SPPL3: variants seen among roughly 807,000 people sequenced by gnomAD.
SPPL3 encodes the protein signal peptide peptidase-like 3.
A neutral mutation model predicts 42.4 loss-of-function variants in SPPL3; 5 were observed. The observed-to-expected ratio is 0.12, with a 90% CI of 0.06 to 0.25. The LOEUF is 0.25. Among genes scored for constraint, SPPL3 ranks in the 10% least tolerant of loss-of-function variants. The probability of loss-of-function intolerance (pLI) is 1.00; values close to 1 mark genes in which losing one functional copy is unlikely to be tolerated. For synonymous variants in SPPL3, 195 were observed against 181.8 expected (o/e 1.07, Z -0.58); for missense variants, 235 against 489.0 (o/e 0.48, Z 4.90).
At chr12:120,787,449 C>CA (rs1172478630) in intron 3 of SPPL3, among the ~76,000 whole-genome samples, 1 of 152,034 alleles carries the variant, frequency 6.6e-6, no homozygotes, top group African/African-American at 2.4e-5. Context: ...TGGGGGCAGG[C>CA]AGAGAAGTTA....
chr12:120,875,294 A>C (rs1873051065), intron 1 of SPPL3, among the ~76,000 whole-genome samples: 1 of 152,254 alleles, frequency 6.6e-6, no homozygotes, highest in South Asian at 2.1e-4. Flanking sequence ...AAAATTTTTA[A>C]AATTATGCTT....
chr12:120,855,516 C>T (rs919932455), intron 1 of SPPL3, among the ~76,000 whole-genome samples: 4 of 151,888 alleles, frequency 2.6e-5, no homozygotes, highest in Admixed American at 6.6e-5. Context: ...GGTGAAACCC[C>T]GTATCTACTA....
intron 1 of SPPL3, among the ~76,000 whole-genome samples, chr12:120,903,139 A>G (rs1042346775): frequency 4.6e-5 from 7 of 152,084 alleles, no homozygotes; most frequent in African/African-American, 1.4e-4. Context: ...TAATAGTACC[A>G]ACCCTTACAA....
intron 2 of SPPL3, among the ~76,000 whole-genome samples, chr12:120,808,385 ATTTG>A (rs1870574125): frequency 6.6e-6 from 1 of 152,080 alleles, no homozygotes; most frequent in African/African-American, 2.4e-5. Flanking sequence ...CAGTTTCCTC[ATTTG>A]TAAACAGGGA....
At chr12:120,869,287 T>C (rs1368270137) in intron 1 of SPPL3, among the ~76,000 whole-genome samples, 1 of 152,224 alleles carries the variant, frequency 6.6e-6, no homozygotes, top group Non-Finnish European at 1.5e-5. Flanking sequence ...GGCAAACTCT[T>C]GGTAAAGCCT....
intron 5 of SPPL3, among the ~76,000 whole-genome samples, chr12:120,783,064 G>A (rs1869597555): frequency 6.6e-6 from 1 of 152,106 alleles, no homozygotes; most frequent in Admixed American, 6.5e-5. Context: ...ATTCTTATGA[G>A]GAAAACAAAA....
At chr12:120,829,451 C>G (rs1362257858) in intron 1 of SPPL3, among the ~76,000 whole-genome samples, 6 of 151,914 alleles carry the variant, frequency 3.9e-5, no homozygotes, top group African/African-American at 7.3e-5. Flanking sequence ...CAAAAATTAG[C>G]CCGGCATGAT....
chr12:120,849,566 C>A (rs919203054), intron 1 of SPPL3, among the ~76,000 whole-genome samples: 1 of 152,148 alleles, frequency 6.6e-6, no homozygotes, highest in Non-Finnish European at 1.5e-5. Context: ...ATCCAAACAG[C>A]TCTAAAAAAC....
chr12:120,779,273 G>A (rs1481907376), intron 6 of SPPL3, among the ~76,000 whole-genome samples: 1 of 152,172 alleles, frequency 6.6e-6, no homozygotes, highest in Non-Finnish European at 1.5e-5. Flanking sequence ...CTCAGACAAT[G>A]ATGAACATCA....
chr12:120,766,335 C>A lies in SPPL3; in HGVS notation c.1011G>T (p.Arg337=). 1 of 1,599,504 alleles carries A rather than the reference C, an allele frequency of 6.3e-7. No individual in the cohort carries two copies. Among genetic ancestry groups the A allele is most frequent in the South Asian group, 1.1e-5 (1 of 88,130 alleles). The change falls in exon 10 of 11, where the codon CGG becomes CGT. Residue 337 remains arginine (R), a synonymous_variant. Transcript: ENST00000353487. ...LTATVASRIH[R]AAQPALLYLV... ...AATAGAGAAGGGCGGGCTGGGCGGC[C>A]CGGTGAATGCGAGACGCCACAGTAG...
intron 1 of SPPL3, among the ~76,000 whole-genome samples, chr12:120,827,490 C>T (rs1299944677): frequency 6.6e-6 from 1 of 152,102 alleles, no homozygotes; most frequent in East Asian, 1.9e-4. Flanking sequence ...CATACTTCCA[C>T]TATCAGCTTT....
At chr12:120,838,193 C>T (rs1592988214) in intron 1 of SPPL3, among the ~76,000 whole-genome samples, 1 of 152,146 alleles carries the variant, frequency 6.6e-6, no homozygotes, top group East Asian at 1.9e-4. Context: ...GAAATGGTCT[C>T]CTGAGAGATG....
At chr12:120,804,666 G>A (rs1870430433) in intron 2 of SPPL3, among the ~76,000 whole-genome samples, 1 of 152,182 alleles carries the variant, frequency 6.6e-6, no homozygotes, top group African/African-American at 2.4e-5. Context: ...CAATAGCATA[G>A]CTGCCTTGGA....
chr12:120,807,169 A>T (rs940292034), intron 2 of SPPL3, among the ~76,000 whole-genome samples: 14 of 152,162 alleles, frequency 9.2e-5, no homozygotes, highest in African/African-American at 3.4e-4. Flanking sequence ...ATGCTCATCA[A>T]CTTTCCAACA....
intron 1 of SPPL3, among the ~76,000 whole-genome samples, chr12:120,817,081 G>A (rs899797709): frequency 6.6e-6 from 1 of 151,692 alleles, no homozygotes; most frequent in Non-Finnish European, 1.5e-5. Context: ...CTTGAGCCCA[G>A]GAGTTCAAGA....
At chr12:120,776,406 C>A (rs1869322635) in intron 6 of SPPL3, among the ~76,000 whole-genome samples, 1 of 152,108 alleles carries the variant, frequency 6.6e-6, no homozygotes, top group South Asian at 2.1e-4. Context: ...GTAAAACAGA[C>A]CCTTTAGTAT....
chr12:120,895,381 C>T (rs954156204), intron 1 of SPPL3, among the ~76,000 whole-genome samples: 6 of 151,168 alleles, frequency 4.0e-5, no homozygotes, highest in African/African-American at 1.5e-4. Flanking sequence ...GAGCCAAGAT[C>T]GCGCCACTGT....
At chr12:120,771,350 C>G (rs916203202) in intron 6 of SPPL3, among the ~76,000 whole-genome samples, 1 of 152,222 alleles carries the variant, frequency 6.6e-6, no homozygotes, top group Non-Finnish European at 1.5e-5. Flanking sequence ...GCCACGCCGC[C>G]GCTTCAGTGC....
At chr12:120,793,658 T>C (rs10849789) in intron 2 of SPPL3, among the ~76,000 whole-genome samples, 9,662 of 152,274 alleles carry the variant, frequency 0.063, 549 homozygotes, top group East Asian at 0.3. Context: ...AATCTAACCA[T>C]GTTGACACCC....
Sources: gnomAD v4.1 joint callset for allele counts (sites outside exome capture counted in the v4.1 genomes callset) on GRCh38, gnomAD v4.1.1 for gene constraint, MANE v1.5 for transcripts, NCBI Gene and HGNC (gene_info 2026-07-23, HGNC 2026-07-21) for gene names.